The following DIS3L variants were observed in gnomAD, a reference collection of about 807,000 sequenced individuals.
The protein encoded by DIS3L is DIS3 like exosome 3'-5' exoribonuclease.
A neutral mutation model predicts 120.3 loss-of-function variants in DIS3L; 100 were observed. The observed-to-expected ratio is 0.83, with a 90% CI of 0.71 to 0.98. The LOEUF (loss-of-function observed/expected upper bound fraction) is 0.98. Ranked by LOEUF, DIS3L falls within the 50% of genes least tolerant of loss-of-function variation. The pLI is 0.00. For missense variants in DIS3L, 1,196 were observed against 1,314.2 expected (o/e 0.91, Z 1.39); for synonymous variants, 426 against 470.6 (o/e 0.91, Z 1.23).
At chr15:66,313,334 A>G (rs2092781730) in intron 5 of DIS3L, among the ~76,000 whole-genome samples, 1 of 152,126 alleles carries the variant, frequency 6.6e-6, no homozygotes. Context: ...TTAAAAGACT[A>G]CTCATCAGTT....
chr15:66,295,166 C>A, intron 2 of DIS3L, 25 bp downstream of exon 2: 1 of 1,605,606 alleles, frequency 6.2e-7, no homozygotes, highest in South Asian at 1.1e-5. Context: ...TTCTTTATTT[C>A]TATATGGCAT....
At chr15:66,325,787 G>A in intron 11 of DIS3L, 44 bp from the exon 12 acceptor site, 3 of 1,546,552 alleles carry the variant, frequency 1.9e-6, no homozygotes, top group Non-Finnish European at 2.6e-6. Context: ...AAAAAAGCCA[G>A]ATGAATTTGA....
At position 66,306,950 on chromosome 15, in the gene DIS3L, C is replaced by A; in HGVS notation, c.420C>A (p.Thr140=). 1 of 1,614,006 alleles carries A rather than the reference C, an allele frequency of 6.2e-7. No homozygotes were observed. Among genetic ancestry groups the A allele is most frequent in the Non-Finnish European group, 8.5e-7 (1 of 1,179,936 alleles). Residue 140 remains threonine (T), a splice_region_variant and synonymous_variant, in exon 3 of 17, where the codon ACC becomes ACA. Coordinates refer to ENST00000319212, the MANE Select transcript of DIS3L (RefSeq NM_001143688.3). ...ERGESMEKWQ[T]RSIYNAAVWY... ...GAGAGTCCATGGAGAAGTGGCAGAC[C>A]AGGTATGGCCCTGACTTGCTGCTGT...
intron 2 of DIS3L, among the ~76,000 whole-genome samples, chr15:66,302,457 A>G (rs1322010951): frequency 1.3e-5 from 2 of 152,202 alleles, no homozygotes; most frequent in African/African-American, 2.4e-5. Context: ...GCAAAAGGCA[A>G]CGGGGCTCTG....
chr15:66,313,499 C>G (rs2140361058), intron 5 of DIS3L, among the ~76,000 whole-genome samples: 1 of 152,064 alleles, frequency 6.6e-6, no homozygotes, highest in Admixed American at 6.6e-5. Flanking sequence ...CTTTGGGAGG[C>G]CGAGGTGGAT....
Position 66,323,523 on chromosome 15 carries a change from C to A in DIS3L, c.1605C>A (p.Arg535=). The change falls in exon 11 of 17, where the codon CGC becomes CGA. Residue 535 remains arginine, a synonymous_variant. Transcript: ENST00000319212. The part of the protein sequence containing the change: ...RATTYYLADR[R]YDMLPSVLSA... ...CCACTTATTATCTAGCAGATCGTCG[C>A]TATGACATGCTGCCTTCCGTCCTCA... 6.2e-7 allele frequency: 1 copy of A among 1,614,262 alleles called. No individual in the cohort carries two copies. The highest frequency in any genetic ancestry group is 8.5e-7 in the Non-Finnish European group (1 of 1,180,042).
In DIS3L at chr15:66,308,627, A is replaced by G. The variant is rs1370371464; in HGVS notation, c.423-82A>G. Reference sequence around the variant, plus strand: ...TGGTTATCTATATAGTCCAAAGGATAGCAAAAGCCAGATGTGAAATTCTGA... The same window carrying G: ...TGGTTATCTATATAGTCCAAAGGATGGCAAAAGCCAGATGTGAAATTCTGA... On this transcript the variant is annotated intron_variant, in intron 3 of 16. Transcript: ENST00000319212. 46 of 1,525,112 alleles carry G rather than the reference A, an allele frequency of 3.0e-5. No individual in the cohort carries two copies. In the East Asian group the frequency reaches 5.2e-4, roughly 17 times the overall value. The allele number at this position is 1,525,112 out of a possible 1,614,324, so 94.5% of individuals were successfully genotyped here. A position where few individuals can be genotyped will look rare whatever the true frequency, so the allele number is the denominator to read the frequency against.
At chr15:66,294,158 C>T in intron 1 of DIS3L, 1 of 985,654 alleles carries the variant, frequency 1.0e-6, no homozygotes, top group Non-Finnish European at 1.2e-6. Flanking sequence ...CTGACATCGC[C>T]TGCTTTGCAG....
intron 4 of DIS3L, among the ~76,000 whole-genome samples, chr15:66,310,083 A>T (rs2092745375): frequency 6.6e-6 from 1 of 152,142 alleles, no homozygotes; most frequent in Non-Finnish European, 1.5e-5. Context: ...TGTTGATATC[A>T]CTTTTTGGTG....
At chr15:66,307,301 T>A (rs1433282176) in intron 3 of DIS3L, among the ~76,000 whole-genome samples, 6 of 152,076 alleles carry the variant, frequency 3.9e-5, no homozygotes, top group Middle Eastern at 6.8e-3. Flanking sequence ...TTATTTTTTT[T>A]AATTTTTTTT....
intron 14 of DIS3L, among the ~76,000 whole-genome samples, chr15:66,331,081 G>C (rs1312749429): frequency 6.6e-6 from 1 of 152,030 alleles, no homozygotes; most frequent in African/African-American, 2.4e-5. Flanking sequence ...CTTGAACCCG[G>C]GAGGCAGAGG....
Position 66,333,448 on chromosome 15 carries a change from C to T in DIS3L, c.*136C>T, listed in dbSNP as rs1381000054. On this transcript the variant is annotated 3_prime_UTR_variant, in exon 17 of 17. Coordinates refer to ENST00000319212, the MANE Select transcript of DIS3L (RefSeq NM_001143688.3). Reference sequence around the variant, plus strand: ...ATTTCGCATATATGTAAAATGTTCTCAGCCGGGCACGGTGGCTCACGCCTG... The same window carrying T: ...ATTTCGCATATATGTAAAATGTTCTTAGCCGGGCACGGTGGCTCACGCCTG... 20 of 1,004,850 alleles carry T rather than the reference C, an allele frequency of 2.0e-5. No homozygotes were observed. The highest frequency in any genetic ancestry group is 2.8e-5 in the Non-Finnish European group (20 of 711,984). The allele number at this position is 1,004,850 out of a possible 1,614,324, so 62.2% of individuals were successfully genotyped here.
At chr15:66,299,777 C>T (rs946858481) in intron 2 of DIS3L, among the ~76,000 whole-genome samples, 10 of 152,092 alleles carry the variant, frequency 6.6e-5, no homozygotes, top group African/African-American at 9.7e-5. Flanking sequence ...CATACACAGC[C>T]GGGCGCGGTG....
At position 66,332,742 on chromosome 15, in the gene DIS3L, G is replaced by A. The variant is rs1476730848; in HGVS notation, c.2688G>A (p.Gly896=). ...TATTCTGGTCATAATATAGGTTTGG[G>A]ATTAAAGGTGCTGCTTATCTAAAAA... ...NGVLLFIPRF[G]IKGAAYLKNK... Residue 896 remains glycine (G), a synonymous_variant, in exon 16 of 17, where the codon GGG becomes GGA. Coordinates refer to ENST00000319212, the MANE Select transcript of DIS3L (RefSeq NM_001143688.3). 1.2e-6 allele frequency: 2 copies of A among 1,612,120 alleles called. No individual in the cohort carries two copies. The highest frequency in any genetic ancestry group is 1.7e-6 in the Non-Finnish European group (2 of 1,179,184).
Position 66,326,272 on chromosome 15 carries a change from G to C in DIS3L, c.2109G>C (p.Gln703His). The C allele has an allele frequency of 6.2e-7, 1 of 1,614,090 alleles. No homozygotes were observed. Among genetic ancestry groups the C allele is most frequent in the Non-Finnish European group, 8.5e-7 (1 of 1,180,026 alleles). ...AKKIWESFPH[Q>H]ALLRQHPPPH... ...AGATCTGGGAGAGCTTCCCTCATCA[G>C]GCCTTGCTGCGCCAGCACCCTCCTC... The change falls in exon 12 of 17, where the codon CAG (glutamine) becomes CAC (histidine). Residue 703 changes from glutamine to histidine, a missense_variant. Physicochemically the swap from Gln to His is conservative, Grantham distance 24 (BLOSUM62 0). Transcript: ENST00000319212.
Position 66,325,838 on chromosome 15 carries a change from G to A in DIS3L, c.1675G>A (p.Val559Ile), listed in dbSNP as rs2092929701. The A allele has an allele frequency of 4.4e-6, 7 of 1,600,070 alleles. No homozygotes were observed. The African/African-American group carries it at 8.0e-5, about 18-fold the overall frequency. ...ATGTTACTGTTTTTGTAGGTATGCT[G>A]TAAGCATCATGTGGGAACTGGATAA... ...SLLGGVDRYA[V>I]SIMWELDKAS... The change falls in exon 12 of 17, where the codon GTA becomes ATA. Residue 559 changes from valine (V) to isoleucine (I), a missense_variant. Val to Ile is a conservative substitution (Grantham distance 29). Coordinates refer to ENST00000319212, the MANE Select transcript of DIS3L (RefSeq NM_001143688.3).
Position 66,322,769 on chromosome 15 carries a change from A to G in DIS3L, c.1409A>G (p.Lys470Arg). ...EEEQKRKDLRKSHLVFSIDPK... is the reference protein window; with the variant it reads ...EEEQKRKDLRRSHLVFSIDPK... ...GAACAAAAACGTAAAGACTTGAGGA[A>G]AAGCCATCTCGTATTCAGCATTGAC... The change falls in exon 10 of 17, where the codon AAA (lysine) becomes AGA (arginine). Residue 470 changes from lysine (K) to arginine (R), a missense_variant. By Grantham distance (26) the Lys-to-Arg change is conservative. Transcript: ENST00000319212. The G allele has an allele frequency of 6.2e-7, 1 of 1,614,206 alleles. No individual in the cohort carries two copies. The highest frequency in any genetic ancestry group is 8.5e-7 in the Non-Finnish European group (1 of 1,180,034).
At chr15:66,331,809 T>C in intron 14 of DIS3L, 66 bp from the exon 15 acceptor site, 1 of 1,406,630 alleles carries the variant, frequency 7.1e-7, no homozygotes, top group South Asian at 1.9e-5. Flanking sequence ...TGAATGAATA[T>C]GAATTTCGTT....
chr15:66,310,390 G>T (rs2092748467), intron 4 of DIS3L, among the ~76,000 whole-genome samples: 1 of 152,120 alleles, frequency 6.6e-6, no homozygotes, highest in Non-Finnish European at 1.5e-5. Context: ...ACTTTTCTTT[G>T]TAGTCCAGTG....
Sources: allele counts gnomAD v4.1 joint callset (sites outside exome capture counted in the v4.1 genomes callset), GRCh38; gene constraint gnomAD v4.1.1; transcripts MANE v1.5; gene names NCBI Gene and HGNC (gene_info 2026-07-23, HGNC 2026-07-21).